The following TM9SF2 variants were observed in gnomAD, a reference collection of about 807,000 sequenced individuals.
TM9SF2 encodes the protein 76 kDa membrane protein.
TM9SF2 carries 13 observed loss-of-function variants against 84.9 expected under a neutral mutation model. The observed-to-expected ratio is 0.15, with a 90% CI of 0.10 to 0.24. The LOEUF (loss-of-function observed/expected upper bound fraction) is 0.24. Ranked by LOEUF, TM9SF2 falls within the 10% of genes least tolerant of loss-of-function variation. The pLI is 1.00. For missense variants in TM9SF2, 562 were observed against 818.5 expected (o/e 0.69, Z 3.82); for synonymous variants, 273 against 285.8 (o/e 0.96, Z 0.45).
At chr13:99,534,892 G>A (rs1056165503) in intron 4 of TM9SF2, among the ~76,000 whole-genome samples, 10 of 152,338 alleles carry the variant, frequency 6.6e-5, no homozygotes, top group Non-Finnish European at 1.0e-4. Context: ...GCTCACACCT[G>A]TAATCCCAGC....
chr13:99,551,930 A>G (rs189390467), intron 12 of TM9SF2, among the ~76,000 whole-genome samples: 56 of 152,344 alleles, frequency 3.7e-4, no homozygotes, highest in South Asian at 3.1e-3. Flanking sequence ...GTGTAATGAA[A>G]ACATGTAAGG....
Position 99,550,625 on chromosome 13 carries a change from G to A in TM9SF2, c.1328+1403G>A, listed in dbSNP as rs985098737. 1.2e-4 allele frequency among the ~76,000 whole-genome samples: 19 copies of A among 152,258 alleles called. No homozygotes were observed. The East Asian group carries it at 3.3e-3, about 26-fold the overall frequency. ...TAAGAACTCAAGTATTCAGGGGCAG[G>A]GGGACTTGGTGTTCACCTAGGAATA... On this transcript the variant is annotated intron_variant, in intron 12 of 16. Coordinates refer to ENST00000376387, the MANE Select transcript of TM9SF2 (RefSeq NM_004800.3).
At chr13:99,506,804 A>G (rs1235169355) in intron 1 of TM9SF2, among the ~76,000 whole-genome samples, 1 of 152,278 alleles carries the variant, frequency 6.6e-6, no homozygotes, top group East Asian at 1.9e-4. Flanking sequence ...TGGTCTGTGC[A>G]CTGTCAGCCT....
chr13:99,519,205 T>C (rs926757346), intron 2 of TM9SF2, among the ~76,000 whole-genome samples: 1 of 152,208 alleles, frequency 6.6e-6, no homozygotes, highest in African/African-American at 2.4e-5. Flanking sequence ...GTTTTTGTTT[T>C]GTTAAACATC....
chr13:99,502,317 A>G (rs1288401483), intron 1 of TM9SF2, among the ~76,000 whole-genome samples: 1 of 152,202 alleles, frequency 6.6e-6, no homozygotes, highest in Admixed American at 6.5e-5. Context: ...GGACTTTGAT[A>G]TCTCGCTTCA....
intron 1 of TM9SF2, among the ~76,000 whole-genome samples, chr13:99,511,981 A>G (rs1475228255): frequency 6.6e-6 from 1 of 152,108 alleles, no homozygotes; most frequent in African/African-American, 2.4e-5. Flanking sequence ...CGTGATAGTT[A>G]TTATCTTCCT....
chr13:99,554,694 A>AG (rs2046319027), intron 14 of TM9SF2, among the ~76,000 whole-genome samples: 1 of 152,236 alleles, frequency 6.6e-6, no homozygotes, highest in African/African-American at 2.4e-5. Flanking sequence ...CTTAATTCTT[A>AG]CTACTTCATT....
chr13:99,539,622 AT>A, intron 7 of TM9SF2, 65 bp downstream of exon 7: 2 of 1,042,994 alleles, frequency 1.9e-6, no homozygotes, highest in Non-Finnish European at 3.0e-6. Context: ...ACTTAAACTA[AT>A]TAAAATGTTA....
intron 4 of TM9SF2, among the ~76,000 whole-genome samples, chr13:99,532,224 G>A (rs2046213651): frequency 6.6e-6 from 1 of 151,582 alleles, no homozygotes; most frequent in Non-Finnish European, 1.5e-5. Context: ...CTAATTTTTT[G>A]TATTTTTAGT....
intron 16 of TM9SF2, among the ~76,000 whole-genome samples, chr13:99,560,839 G>A (rs748258692): frequency 6.6e-6 from 1 of 151,964 alleles, no homozygotes; most frequent in Non-Finnish European, 1.5e-5. Flanking sequence ...CCGCCACTGC[G>A]CCCGGCTAAT....
At chr13:99,559,719 A>G (rs980221355) in intron 16 of TM9SF2, among the ~76,000 whole-genome samples, 185 bp downstream of exon 16, 7 of 152,158 alleles carry the variant, frequency 4.6e-5, no homozygotes, top group African/African-American at 1.4e-4. Flanking sequence ...ATGAAACAGA[A>G]GCTGGGGAAG....
intron 11 of TM9SF2, among the ~76,000 whole-genome samples, chr13:99,547,763 C>G (rs993876347): frequency 2.6e-5 from 4 of 152,280 alleles, no homozygotes; most frequent in African/African-American, 9.6e-5. Context: ...GGGACCAGAG[C>G]TGGCCTCCTC....
intron 3 of TM9SF2, among the ~76,000 whole-genome samples, chr13:99,526,462 A>G (rs1328401871): frequency 6.6e-6 from 1 of 152,234 alleles, no homozygotes; most frequent in Non-Finnish European, 1.5e-5. Context: ...GTGAGGCCAC[A>G]AAAGGAGTAA....
Position 99,501,500 on chromosome 13 carries a change from C to T in TM9SF2, c.-107C>T, listed in dbSNP as rs1376868211. The T allele has an allele frequency of 5.0e-6, 7 of 1,410,948 alleles. No individual in the cohort carries two copies. Among genetic ancestry groups the T allele is most frequent in the South Asian group, 4.0e-5 (3 of 74,304 alleles). 87.4% of individuals were successfully genotyped at this position (1,410,948 alleles called of 1,614,324 possible). A position where few individuals can be genotyped will look rare whatever the true frequency, so the allele number is the denominator to read the frequency against. ...GCAACCGGAACTAGCCTTCTGGGGG[C>T]CGGCTTCCTTTATCTCTGGCGGCCT... On this transcript the variant is annotated 5_prime_UTR_variant, in exon 1 of 17. Transcript: ENST00000376387.
intron 15 of TM9SF2, among the ~76,000 whole-genome samples, chr13:99,555,891 A>T (rs761772962): frequency 6.6e-6 from 1 of 152,170 alleles, no homozygotes; most frequent in South Asian, 2.1e-4. Context: ...ATGTTGTGCT[A>T]ACTTTTTACT....
chr13:99,503,409 C>G (rs930455436), intron 1 of TM9SF2, among the ~76,000 whole-genome samples: 3 of 152,076 alleles, frequency 2.0e-5, no homozygotes, highest in African/African-American at 7.2e-5. Flanking sequence ...AGGGAAAGCT[C>G]TATAGAAGAA....
rs747583950 is a variant in TM9SF2, at chr13:99,541,563, A to G, written c.913A>G (p.Met305Val). Residue 305 changes from methionine (M) to valine (V), a missense_variant, in exon 9 of 17, where the codon ATG (methionine) becomes GTG (valine). Coordinates refer to ENST00000376387, the MANE Select transcript of TM9SF2 (RefSeq NM_004800.3). ...ATGATGTGCTTATTTCTACAGCATT[A>G]TGAATTCCCTGGTCATTGTTCTCTT... Reference protein sequence around the residue: ...PHTHIQWFSIMNSLVIVLFLS... With the variant: ...PHTHIQWFSIVNSLVIVLFLS... The G allele has an allele frequency of 1.2e-6, 2 of 1,610,130 alleles. No homozygotes were observed. The highest frequency in any genetic ancestry group is 1.7e-6 in the Non-Finnish European group (2 of 1,177,278).
At position 99,508,672 on chromosome 13, in the gene TM9SF2, A is replaced by G. The variant is rs113366568; in HGVS notation, c.171+6895A>G. On this transcript the variant is annotated intron_variant, in intron 1 of 16. Transcript: ENST00000376387. ...ACCTCAGGAAATTTTTACTCATGGC[A>G]GAAGGTGAAGCAGGAGCAGGCATGT... 2.1e-3 allele frequency among the ~76,000 whole-genome samples: 324 copies of G among 152,228 alleles called. 2 individuals carry two copies. The highest frequency in any genetic ancestry group is 7.6e-3 in the African/African-American group (314 of 41,534).
intron 7 of TM9SF2, among the ~76,000 whole-genome samples, chr13:99,540,118 G>T (rs1235622068): frequency 6.6e-6 from 1 of 152,050 alleles, no homozygotes; most frequent in Non-Finnish European, 1.5e-5. Flanking sequence ...AAATTGAAGG[G>T]AGTATTTTTA....
Sources: gnomAD v4.1 joint callset for allele counts (sites outside exome capture counted in the v4.1 genomes callset) on GRCh38, gnomAD v4.1.1 for gene constraint, MANE v1.5 for transcripts, NCBI Gene and HGNC (gene_info 2026-07-23, HGNC 2026-07-21) for gene names.